SETD1B: variants seen among roughly 807,000 people sequenced by gnomAD.
SETD1B encodes SET domain containing 1B, histone lysine methyltransferase.
In SETD1B, 7 loss-of-function variants were observed where a neutral mutation model predicts 148.0. The ratio of observed to expected loss-of-function variants is 0.05; its 90% CI spans 0.03 to 0.09. The LOEUF (loss-of-function observed/expected upper bound fraction) is 0.09. Ranked by LOEUF, SETD1B falls within the 10% of genes least tolerant of loss-of-function variation. SETD1B has a pLI of 1.00. For missense variants in SETD1B, 2,155 were observed against 2,729.9 expected (o/e 0.79, Z 4.69); for synonymous variants, 1,361 against 1,186.5 (o/e 1.15, Z -3.02).
chr12:121,800,385 C>T (rs1462684244), upstream of SETD1B: 7 of 152,228 alleles, frequency 4.6e-5, no homozygotes, highest in Non-Finnish European at 1.0e-4. Flanking sequence ...CGCGCTGACT[C>T]GGCTCTCAGA....
At chr12:121,792,336 A>G in the SETD1B span, among the ~76,000 whole-genome samples, 6 of 152,170 alleles carry the variant, frequency 3.9e-5, no homozygotes, top group Non-Finnish European at 2.9e-5. Flanking sequence ...TTGGTCCCCA[A>G]TGTTGATGAA....
chr12:121,823,862 C>T (rs1876709067), intron 12 of SETD1B, 113 bp downstream of exon 12: 3 of 1,357,558 alleles, frequency 2.2e-6, no homozygotes, highest in Non-Finnish European at 2.9e-6. Context: ...ATGAAGGTGA[C>T]AGCATGCACC....
chr12:121,827,093 A>T (rs1364561580), intron 13 of SETD1B, among the ~76,000 whole-genome samples: 2 of 151,982 alleles, frequency 1.3e-5, no homozygotes, highest in Non-Finnish European at 2.9e-5. Flanking sequence ...CTGGGAGGGC[A>T]CTTGGGGCAG....
At position 121,823,175 on chromosome 12, in the gene SETD1B, G is replaced by T; in HGVS notation, c.4596G>T (p.Leu1532Phe). 1 of 1,540,238 alleles carries T rather than the reference G, an allele frequency of 6.5e-7. No homozygotes were observed. The change falls in exon 12 of 17, where the codon TTG becomes TTT. Residue 1532 changes from leucine to phenylalanine, a missense_variant. Leu to Phe is a conservative substitution (Grantham distance 22, BLOSUM62 0). Coordinates refer to ENST00000604567, the MANE Select transcript of SETD1B (RefSeq NM_001353345.2). The stretch of plus-strand genomic sequence containing the variant: ...GATCCCCACCATCTATGCTCTCCTT[G>T]GATGGGCCCTTGGTCCGACCACCAG... ...PRRSPPSMLSLDGPLVRPPAG... is the reference protein window; with the variant it reads ...PRRSPPSMLSFDGPLVRPPAG...
rs1875710464 is a variant in SETD1B at position 121,805,731 on chromosome 12, T to TA, written c.274-104_274-103insA. On this transcript the variant is annotated intron_variant, in intron 3 of 16. Coordinates refer to ENST00000604567, the MANE Select transcript of SETD1B (RefSeq NM_001353345.2). This position sits in a 1 kb window ranked among gnomAD's most constrained non-coding sequence, Gnocchi z 4.2. ...AATTTTTAGTTTTTTTACCCTTTAT[T>TA]GTTTTCAACGGGTGGGCGAGTTGCG... 1.7e-6 allele frequency: 2 copies of TA among 1,187,172 alleles called. No individual in the cohort carries two copies. The highest frequency in any genetic ancestry group is 3.1e-5 in the African/African-American group (2 of 64,056). The allele number at this position is 1,187,172 out of a possible 1,614,324, so 73.5% of individuals were successfully genotyped here. A position where few individuals can be genotyped will look rare whatever the true frequency, so the allele number is the denominator to read the frequency against.
At chr12:121,813,077 C>T (rs755370418) in intron 6 of SETD1B, among the ~76,000 whole-genome samples, 1 of 152,142 alleles carries the variant, frequency 6.6e-6, no homozygotes, top group Non-Finnish European at 1.5e-5. Context: ...ATCCCAGCTG[C>T]AGCCCCGCAC....
chr12:121,827,011 G>A (rs1034114252), intron 13 of SETD1B, among the ~76,000 whole-genome samples: 3 of 152,038 alleles, frequency 2.0e-5, no homozygotes, highest in Admixed American at 6.6e-5. Context: ...GGGGATCTCC[G>A]GCCCGGGGAC....
intron 5 of SETD1B, among the ~76,000 whole-genome samples, chr12:121,809,035 A>C (rs1875881377): frequency 6.6e-6 from 1 of 152,038 alleles, no homozygotes; most frequent in South Asian, 2.1e-4. Context: ...ACACCTGGCT[A>C]ATTTTTATAT....
rs1416318244 is a variant in SETD1B, at chr12:121,805,932, A to G, written c.371A>G (p.Lys124Arg). The G allele has an allele frequency of 3.2e-6, 5 of 1,551,598 alleles. No homozygotes were observed. The highest frequency in any genetic ancestry group is 1.2e-5 in the South Asian group (1 of 84,056). The change falls in exon 4 of 17, where the codon AAG becomes AGG. Residue 124 changes from lysine (K) to arginine (R), a missense_variant. Around this residue, in one of 11 missense-constraint regions of SETD1B, gnomAD observed 124 missense variants for 282.9 expected, o/e 0.44. Coordinates refer to ENST00000604567, the MANE Select transcript of SETD1B (RefSeq NM_001353345.2). This position sits in a 1 kb window ranked among gnomAD's most constrained non-coding sequence, Gnocchi z 4.2. ...GAAAACTTCCTGAGGGACATGTGCA[A>G]GAAGTATGGGGAGGTGGAGGAGGTG... is the stretch of plus-strand genomic sequence containing the variant. Reference protein sequence around the residue: ...IRENFLRDMCKKYGEVEEVEI... With the variant: ...IRENFLRDMCRKYGEVEEVEI...
At chr12:121,793,557 C>A in the SETD1B span, 1 of 1,550,196 alleles carries the variant, frequency 6.5e-7, no homozygotes, top group East Asian at 2.4e-5. Context: ...GCCGCCGTCG[C>A]CCACGATCAC....
Position 121,823,427 on chromosome 12 carries a change from G to C in SETD1B, c.4848G>C (p.Glu1616Asp). 6.5e-7 allele frequency: 1 copy of C among 1,543,332 alleles called. No individual in the cohort carries two copies. Among genetic ancestry groups the C allele is most frequent in the Non-Finnish European group, 8.7e-7 (1 of 1,145,488 alleles). ...AGCTAGACAACCAGTGGCCCTCCGA[G>C]GCCATTCCTCCGGGCCCCCGTGGGC... ...FKELDNQWPS[E>D]AIPPGPRGRD... Residue 1616 changes from glutamate to aspartate, a missense_variant, in exon 12 of 17, where the codon GAG becomes GAC. Coordinates refer to ENST00000604567, the MANE Select transcript of SETD1B (RefSeq NM_001353345.2).
intron 12 of SETD1B, among the ~76,000 whole-genome samples, chr12:121,824,236 G>T (rs942146153): frequency 6.6e-6 from 1 of 152,192 alleles, no homozygotes; most frequent in African/African-American, 2.4e-5. Flanking sequence ...CTAGAGTCCA[G>T]GCTCTTCACC....
At chr12:121,811,508 G>A (rs1322381362) in intron 6 of SETD1B, among the ~76,000 whole-genome samples, 3 of 152,188 alleles carry the variant, frequency 2.0e-5, no homozygotes, top group Non-Finnish European at 4.4e-5. Context: ...CTCAGGTCAT[G>A]GGGTCTCGTT....
At chr12:121,809,566 T>G (rs1875913162) in intron 5 of SETD1B, 37 bp from the exon 6 acceptor site, 1 of 1,503,046 alleles carries the variant, frequency 6.7e-7, no homozygotes, top group Non-Finnish European at 8.9e-7. Flanking sequence ...CATTGCATGT[T>G]TTCCCCCAGT....
At position 121,832,205 on chromosome 12, in the gene SETD1B, CTTGCCTCA is replaced by C. The variant is rs1877127944; in HGVS notation, c.*1967_*1974del. 1 of 152,370 alleles carries C rather than the reference CTTGCCTCA, an allele frequency of 6.6e-6. No individual in the cohort carries two copies. The highest frequency in any genetic ancestry group is 1.5e-5 in the Non-Finnish European group (1 of 68,196). The allele number at this position is 152,370 out of a possible 1,614,324, so 9.4% of individuals were successfully genotyped here. A position where few individuals can be genotyped will look rare whatever the true frequency, so the allele number is the denominator to read the frequency against. On this transcript the variant is annotated 3_prime_UTR_variant, in exon 17 of 17. Transcript: ENST00000604567. ...GTTCGAGAAGACCAGGGAAGGGACCCTTGCCTCACCCCTCCCCCTGGCCTCACCTTGCT... is the reference window on the plus strand; with the variant it reads ...GTTCGAGAAGACCAGGGAAGGGACCCCCCCTCCCCCTGGCCTCACCTTGCT...
upstream of SETD1B, chr12:121,802,788 T>A (rs1473541851): frequency 1.3e-5 from 2 of 152,252 alleles, no homozygotes; most frequent in African/African-American, 2.4e-5. Context: ...CTTGGGCCTG[T>A]TGACAAATGT....
chr12:121,830,256 C>G lies in SETD1B; in HGVS notation c.*17C>G. The G allele has an allele frequency of 6.5e-7, 1 of 1,547,042 alleles. No individual in the cohort carries two copies. The highest frequency in any genetic ancestry group is 1.2e-5 in the South Asian group (1 of 83,922). On this transcript the variant is annotated 3_prime_UTR_variant, in exon 17 of 17. Coordinates refer to ENST00000604567, the MANE Select transcript of SETD1B (RefSeq NM_001353345.2). This position sits in a 1 kb window ranked among gnomAD's most constrained non-coding sequence, Gnocchi z 5.7. ...CTCAACTAGGCCCCGGCACCAGACT[C>G]AAAGGATGTCAGCCGTAGCCCTGGG...
In SETD1B at chr12:121,809,899, G is replaced by A. The variant is rs1302273416; in HGVS notation, c.954G>A (p.Thr318=). Residue 318 remains threonine (T), a synonymous_variant, in exon 6 of 17, where the codon ACG becomes ACA. Coordinates refer to ENST00000604567, the MANE Select transcript of SETD1B (RefSeq NM_001353345.2). ...FKARRHESKF[T]DAYNRRHEHH... ...CCCGGCGCCACGAGAGCAAGTTCAC[G>A]GACGCCTACAACCGCCGCCACGAAC... 9.0e-6 allele frequency: 14 copies of A among 1,550,836 alleles called. No individual in the cohort carries two copies. Among genetic ancestry groups the A allele is most frequent in the Admixed American group, 3.9e-5 (2 of 50,970 alleles).
At chr12:121,797,300 CG>C in the SETD1B span, 1 of 385,116 alleles carries the variant, frequency 2.6e-6, no homozygotes, top group Non-Finnish European at 5.1e-6. Context: ...ACCTCCTGGC[CG>C]GCCCTTCCGC....
Sources: allele counts gnomAD v4.1 joint callset (sites outside exome capture counted in the v4.1 genomes callset), GRCh38; gene constraint gnomAD v4.1.1; regional missense constraint gnomAD v4.1.1; non-coding constraint Gnocchi (gnomAD v3.1); transcripts MANE v1.5; gene names NCBI Gene and HGNC (gene_info 2026-07-23, HGNC 2026-07-21).